ZNF385C: variants seen among roughly 807,000 people sequenced by gnomAD.
ZNF385C encodes the protein CTD-2132N18.2.
ZNF385C carries 28 observed loss-of-function variants against 35.4 expected under a neutral mutation model. The ratio of observed to expected loss-of-function variants is 0.79; its 90% CI spans 0.59 to 1.08. ZNF385C has a LOEUF of 1.08. ZNF385C is among the 50% of genes least tolerant of loss of function. The probability of loss-of-function intolerance (pLI) is 0.00; values close to 1 mark genes in which losing one functional copy is unlikely to be tolerated. For missense variants in ZNF385C, 605 were observed against 595.6 expected, an observed-to-expected ratio of 1.02 and a Z score of -0.16; for synonymous variants, 248 against 248.2, an observed-to-expected ratio of 1.00 and a Z score of 0.01.
Position 42,077,753 on chromosome 17 carries a change from G to A in ZNF385C, c.-2-14695C>T, listed in dbSNP as rs184795814. Among the ~76,000 whole-genome samples the A allele has an allele frequency of 2.8e-3, 432 of 152,250 alleles. 4 individuals carry two copies. Among genetic ancestry groups the A allele is most frequent in the Non-Finnish European group, 2.4e-3 (165 of 68,012 alleles). The stretch of plus-strand genomic sequence containing the variant: ...GTCATTCTGGACTCCTGGGCTCTAG[G>A]AGGGTGGGAGAGGCCCCAACAGTGG... On this transcript the variant is annotated intron_variant, in intron 1 of 8. Transcript: ENST00000692273.
intron 2 of ZNF385C, among the ~76,000 whole-genome samples, chr17:42,051,096 G>C (rs1210846506): frequency 6.6e-6 from 1 of 152,022 alleles, no homozygotes; most frequent in Non-Finnish European, 1.5e-5. Context: ...GCAGAGCAAG[G>C]ATTCCTCTGG....
At chr17:42,096,817 A>G (rs1425137921) in intron 1 of ZNF385C, among the ~76,000 whole-genome samples, 3 of 151,790 alleles carry the variant, frequency 2.0e-5, no homozygotes, top group African/African-American at 7.3e-5. Flanking sequence ...TCCCCTCTAC[A>G]GAGACAAAAG....
At chr17:42,084,308 C>T (rs1263817869) in intron 1 of ZNF385C, among the ~76,000 whole-genome samples, 4 of 148,140 alleles carry the variant, frequency 2.7e-5, no homozygotes, top group South Asian at 4.2e-4. Flanking sequence ...CTAGCCTGGG[C>T]GACAGAGCTT....
chr17:42,031,831 A>G, intron 4 of ZNF385C, 47 bp from the exon 5 acceptor site: 1 of 1,539,228 alleles, frequency 6.5e-7, no homozygotes, highest in Non-Finnish European at 8.8e-7. Context: ...CTGAGTCCAC[A>G]TGCCCCATCT....
At chr17:42,082,790 A>C (rs782614028) in intron 1 of ZNF385C, among the ~76,000 whole-genome samples, 29 of 152,144 alleles carry the variant, frequency 1.9e-4, no homozygotes, top group Non-Finnish European at 3.5e-4. Context: ...AAAATTAGCC[A>C]GGCAAGGCCA....
At chr17:42,064,591 G>A (rs185741107) in intron 1 of ZNF385C, among the ~76,000 whole-genome samples, 3 of 152,164 alleles carry the variant, frequency 2.0e-5, no homozygotes, top group Admixed American at 1.3e-4. Context: ...ATGGAGTCTC[G>A]CTGTGTCACC....
intron 5 of ZNF385C, among the ~76,000 whole-genome samples, chr17:42,029,992 C>T (rs937379529): frequency 6.6e-6 from 1 of 151,798 alleles, no homozygotes; most frequent in African/African-American, 2.4e-5. Flanking sequence ...CACACCACTG[C>T]ACTCCAGCCT....
intron 2 of ZNF385C, chr17:42,038,130 G>A: frequency 6.7e-7 from 1 of 1,484,358 alleles, no homozygotes; most frequent in East Asian, 2.5e-5. Context: ...TGACCCTCCT[G>A]CCCCTACTGA....
At position 42,031,737 on chromosome 17, in the gene ZNF385C, G is replaced by A; in HGVS notation, c.558C>T (p.Leu186=). 6.4e-7 allele frequency: 1 copy of A among 1,550,872 alleles called. No individual in the cohort carries two copies. ...TGCTCTTGGCAGCCTCGACAGCCTT[G>A]AGTTTTCTGGCGTGTTTGTGGCCTT... ...HYKGHKHARK[L]KAVEAAKSKQ... The change falls in exon 5 of 9, where the codon CTC becomes CTT. Residue 186 remains leucine, a synonymous_variant. Coordinates refer to ENST00000692273, the MANE Select transcript of ZNF385C (RefSeq NM_001392013.1).
At position 42,037,827 on chromosome 17, in the gene ZNF385C, C is replaced by A. The variant is rs975821511; in HGVS notation, c.309G>T (p.Arg103=). Reference sequence around the variant, plus strand: ...TGAAGTCCAGCGGGGGCTGCAGAGGCCGGGTGGGCAGGGGCAGGGAGGCCA... The same window carrying A: ...TGAAGTCCAGCGGGGGCTGCAGAGGACGGGTGGGCAGGGGCAGGGAGGCCA... The part of the protein sequence containing the change: ...PLLASLPLPT[R]PLQPPLDFKH... The change falls in exon 3 of 9, where the codon CGG becomes CGT. Residue 103 remains arginine (R), a synonymous_variant. Transcript: ENST00000692273. The A allele has an allele frequency of 1.3e-6, 2 of 1,519,722 alleles. No individual in the cohort carries two copies. The highest frequency in any genetic ancestry group is 1.4e-5 in the African/African-American group (1 of 72,276). 94.1% of individuals were successfully genotyped at this position (1,519,722 alleles called of 1,614,324 possible). A position where few individuals can be genotyped will look rare whatever the true frequency, so the allele number is the denominator to read the frequency against.
intron 1 of ZNF385C, among the ~76,000 whole-genome samples, chr17:42,066,234 A>G (rs1265944877): frequency 6.6e-6 from 1 of 151,804 alleles, no homozygotes; most frequent in Non-Finnish European, 1.5e-5. Context: ...TAATTTTTGT[A>G]TTTTTAGTGG....
At position 42,028,770 on chromosome 17, in the gene ZNF385C, T is replaced by C. The variant is rs192247042; in HGVS notation, c.967+13A>G. ...CACCCTTTCCCTGGGCTCCAGCTCC[T>C]GGGACTACTGACCTGTGTTGTGAGC... On this transcript the variant is annotated intron_variant, in intron 6 of 8. Coordinates refer to ENST00000692273, the MANE Select transcript of ZNF385C (RefSeq NM_001392013.1). 6.5e-7 allele frequency: 1 copy of C among 1,542,022 alleles called. No homozygotes were observed. Among genetic ancestry groups the C allele is most frequent in the Non-Finnish European group, 8.8e-7 (1 of 1,140,110 alleles).
At chr17:42,028,351 G>A (rs1347112810) in intron 6 of ZNF385C, 105 bp from the exon 7 acceptor site, 29 of 1,163,638 alleles carry the variant, frequency 2.5e-5, no homozygotes, top group Non-Finnish European at 3.2e-5. Flanking sequence ...AAGCCTCACG[G>A]CTGCTCTGTG....
intron 2 of ZNF385C, among the ~76,000 whole-genome samples, chr17:42,047,191 C>A (rs571366510): frequency 6.6e-6 from 1 of 152,280 alleles, no homozygotes; most frequent in Admixed American, 6.5e-5. Flanking sequence ...GCCACCATGC[C>A]CGGCTAATTT....
chr17:42,042,644 C>T (rs1302396652), intron 2 of ZNF385C, among the ~76,000 whole-genome samples: 1 of 152,210 alleles, frequency 6.6e-6, no homozygotes, highest in Non-Finnish European at 1.5e-5. Flanking sequence ...GGTCTGGCCT[C>T]TTCACTGTTG....
chr17:42,085,083 G>A (rs963472133), intron 1 of ZNF385C, among the ~76,000 whole-genome samples: 4 of 152,146 alleles, frequency 2.6e-5, no homozygotes, highest in African/African-American at 9.7e-5. Flanking sequence ...GATCACCTGA[G>A]GCCAGGAGTT....
intron 2 of ZNF385C, among the ~76,000 whole-genome samples, chr17:42,045,297 C>T (rs1311274489): frequency 1.3e-5 from 2 of 152,192 alleles, no homozygotes; most frequent in Non-Finnish European, 2.9e-5. Context: ...GTGATCCGCC[C>T]GTCTCGGCCT....
chr17:42,097,887 T>C (rs1040188500), intron 1 of ZNF385C, among the ~76,000 whole-genome samples: 1 of 152,166 alleles, frequency 6.6e-6, no homozygotes, highest in African/African-American at 2.4e-5. Flanking sequence ...CTCACCCCCT[T>C]GTACCCAGAT....
intron 2 of ZNF385C, among the ~76,000 whole-genome samples, chr17:42,056,442 A>G (rs1277714790): frequency 7.9e-5 from 12 of 152,184 alleles, no homozygotes; most frequent in African/African-American, 2.9e-4. Flanking sequence ...AGGGCATCAG[A>G]GAGGAGTGTG....
Sources: allele counts gnomAD v4.1 joint callset (sites outside exome capture counted in the v4.1 genomes callset), GRCh38; gene constraint gnomAD v4.1.1; transcripts MANE v1.5; gene names NCBI Gene and HGNC (gene_info 2026-07-23, HGNC 2026-07-21).